MAST4: variants seen among roughly 807,000 people sequenced by gnomAD.
MAST4 encodes the protein microtubule associated serine/threonine kinase family member 4.
A neutral mutation model predicts 162.7 loss-of-function variants in MAST4; 89 were observed. That is an observed-to-expected ratio of 0.55 (90% CI 0.46 to 0.65). MAST4 has a LOEUF of 0.65. MAST4 is among the 30% of genes least tolerant of loss of function. The probability of loss-of-function intolerance (pLI) is 0.00; values close to 1 mark genes in which losing one functional copy is unlikely to be tolerated. For missense variants in MAST4, 3,153 were observed against 3,374.0 expected (o/e 0.93, Z 1.62); for synonymous variants, 1,479 against 1,361.1 (o/e 1.09, Z -1.91).
chr5:66,770,928 G>C (rs1754328463), intron 2 of MAST4, among the ~76,000 whole-genome samples: 1 of 152,114 alleles, frequency 6.6e-6, no homozygotes, highest in African/African-American at 2.4e-5. Context: ...GGTAACATAG[G>C]CCTTCAATCA....
At chr5:67,025,063 C>G (rs887334595) in intron 4 of MAST4, among the ~76,000 whole-genome samples, 1 of 152,118 alleles carries the variant, frequency 6.6e-6, no homozygotes, top group African/African-American at 2.4e-5. Context: ...TTCTCTCTTG[C>G]TTACCTGTTT....
chr5:66,685,804 T>C (rs1294695179), intron 1 of MAST4, among the ~76,000 whole-genome samples: 1 of 152,118 alleles, frequency 6.6e-6, no homozygotes, highest in Non-Finnish European at 1.5e-5. Context: ...AAATGTGCAC[T>C]TTAGAGCAGT....
chr5:66,987,779 A>G (rs1426405695), intron 4 of MAST4, among the ~76,000 whole-genome samples: 2 of 152,212 alleles, frequency 1.3e-5, no homozygotes, highest in Non-Finnish European at 2.9e-5. Context: ...AGGGATGATT[A>G]TATAAACTAA....
intron 4 of MAST4, among the ~76,000 whole-genome samples, chr5:66,971,401 G>A (rs1747418339): frequency 6.6e-6 from 1 of 152,170 alleles, no homozygotes; most frequent in African/African-American, 2.4e-5. Context: ...TACTTCCCTG[G>A]GGGTGACAGT....
At chr5:66,945,605 C>T (rs893873494) in intron 4 of MAST4, among the ~76,000 whole-genome samples, 8 of 152,118 alleles carry the variant, frequency 5.3e-5, no homozygotes, top group African/African-American at 1.7e-4. Flanking sequence ...GAAGCGCATG[C>T]CGTGCCCTTA....
chr5:66,870,156 T>A (rs1390205594), intron 3 of MAST4, among the ~76,000 whole-genome samples: 1 of 152,214 alleles, frequency 6.6e-6, no homozygotes, highest in Non-Finnish European at 1.5e-5. Flanking sequence ...ACCACTCTTT[T>A]ACATAGGTTT....
intron 4 of MAST4, among the ~76,000 whole-genome samples, chr5:66,974,058 C>T (rs1320392368): frequency 6.6e-6 from 1 of 152,138 alleles, no homozygotes; most frequent in African/African-American, 2.4e-5. Context: ...CTGAGTGGCG[C>T]TCTCCTTCAC....
intron 1 of MAST4, among the ~76,000 whole-genome samples, chr5:66,752,220 A>G (rs556726837): frequency 1.6e-4 from 24 of 152,294 alleles, no homozygotes; most frequent in African/African-American, 5.3e-4. Flanking sequence ...TCAAGACTAG[A>G]AAGAAACTGC....
intron 1 of MAST4, among the ~76,000 whole-genome samples, chr5:66,614,997 C>T (rs961089443): frequency 4.6e-5 from 7 of 152,314 alleles, no homozygotes; most frequent in African/African-American, 1.2e-4. Context: ...GTATTTCACG[C>T]AGGAACCAGG....
chr5:66,788,612 C>A, intron 2 of MAST4, 58 bp from the exon 3 acceptor site: 1 of 1,283,496 alleles, frequency 7.8e-7, no homozygotes, highest in East Asian at 2.8e-5. Context: ...ACCCCCATTG[C>A]AATAAGACTA....
At chr5:66,827,160 C>T (rs916446508) in intron 3 of MAST4, among the ~76,000 whole-genome samples, 2 of 152,104 alleles carry the variant, frequency 1.3e-5, no homozygotes, top group South Asian at 2.1e-4. Context: ...AAACAAAAAA[C>T]GTAGTTTTAA....
At chr5:67,140,228 G>T (rs1301645908) in intron 19 of MAST4, among the ~76,000 whole-genome samples, 3 of 152,278 alleles carry the variant, frequency 2.0e-5, no homozygotes, top group African/African-American at 7.2e-5. Flanking sequence ...CCACTAACTA[G>T]GGCTTTCCCT....
At chr5:67,043,967 C>T (rs1398976531) in intron 4 of MAST4, among the ~76,000 whole-genome samples, 2 of 152,160 alleles carry the variant, frequency 1.3e-5, no homozygotes, top group Non-Finnish European at 2.9e-5. Context: ...CCACCTCCAC[C>T]TTTCCCCCAA....
chr5:66,819,128 C>T (rs1756870950), intron 3 of MAST4, among the ~76,000 whole-genome samples: 1 of 152,100 alleles, frequency 6.6e-6, no homozygotes, highest in Non-Finnish European at 1.5e-5. Flanking sequence ...AGGTGGCAGC[C>T]TCATTTCTAT....
At position 67,142,466 on chromosome 5, in the gene MAST4, A is replaced by T. The variant is rs766364570; in HGVS notation, c.2663A>T (p.Asp888Val). ...CATATGGAAACGGAGGAAGAAGATGACACAAATGATGAAGACTTTAATGTG... is the reference window on the plus strand; with the variant it reads ...CATATGGAAACGGAGGAAGAAGATGTCACAAATGATGAAGACTTTAATGTG... ...YHHMETEEED[D>V]TNDEDFNVEI... Residue 888 changes from aspartate (D) to valine (V), a missense_variant, in exon 21 of 29, where the codon GAC (aspartate) becomes GTC (valine). This residue lies in a region of MAST4 where 619 missense variants were observed against 744.2 expected (regional missense o/e 0.83). Transcript: ENST00000403625. 1 of 1,601,306 alleles carries T rather than the reference A, an allele frequency of 6.2e-7. No individual in the cohort carries two copies. The highest frequency in any genetic ancestry group is 8.5e-7 in the Non-Finnish European group (1 of 1,173,466).
intron 2 of MAST4, among the ~76,000 whole-genome samples, chr5:66,762,281 T>G (rs1239616903): frequency 1.3e-5 from 2 of 152,204 alleles, no homozygotes; most frequent in African/African-American, 2.4e-5. Context: ...CCATCGAACG[T>G]CAGCCTGTTT....
rs1046122574 is a variant in MAST4 at position 66,866,787 on chromosome 5, A to G, written c.643-33164A>G. 3.3e-5 allele frequency among the ~76,000 whole-genome samples: 5 copies of G among 152,210 alleles called. No individual in the cohort carries two copies. In the South Asian group the frequency reaches 1.0e-3, roughly 32 times the overall value. On this transcript the variant is annotated intron_variant, in intron 3 of 28. Coordinates refer to ENST00000403625, the MANE Select transcript of MAST4 (RefSeq NM_001164664.2). ...TTCTTTTGAGCCCGGGTCTCGCCCC[A>G]TCATCCAGGCTGGAGTGCGGTGCGT... is the stretch of plus-strand genomic sequence containing the variant.
chr5:67,018,156 G>T (rs562128816), intron 4 of MAST4, among the ~76,000 whole-genome samples: 36 of 152,220 alleles, frequency 2.4e-4, no homozygotes, highest in African/African-American at 8.4e-4. Context: ...TGGTGATATT[G>T]TCAAGTGAAG....
chr5:66,870,339 T>C (rs76543143), intron 3 of MAST4, among the ~76,000 whole-genome samples: 2,186 of 152,284 alleles, frequency 0.014, 40 homozygotes, highest in African/African-American at 0.049. Context: ...GATTTCCACA[T>C]CATTTTGTTC....
Sources: allele counts gnomAD v4.1 joint callset (sites outside exome capture counted in the v4.1 genomes callset), GRCh38; gene constraint gnomAD v4.1.1; regional missense constraint gnomAD v4.1.1; transcripts MANE v1.5; gene names NCBI Gene and HGNC (gene_info 2026-07-23, HGNC 2026-07-21).